Variants in ADD2 observed in about 807,000 individuals in gnomAD.
The protein encoded by ADD2 is adducin 2, also known as beta-adducin.
Under a neutral mutation model 83.0 loss-of-function variants are expected in ADD2, and 23 were observed. The observed-to-expected ratio is 0.28, with a 90% CI of 0.20 to 0.39. The LOEUF (loss-of-function observed/expected upper bound fraction) is 0.39, where lower values mean the gene tolerates loss of function less well. Ranked by LOEUF, ADD2 falls within the 10% of genes least tolerant of loss-of-function variation. ADD2 has a pLI of 1.00. For missense variants in ADD2, 758 were observed against 944.9 expected, an observed-to-expected ratio of 0.80 and a Z score of 2.59; for synonymous variants, 375 against 375.4, an observed-to-expected ratio of 1.00 and a Z score of 0.01.
chr2:70,767,067 T>A (rs1207624545), intron 1 of ADD2, among the ~76,000 whole-genome samples: 2 of 152,124 alleles, frequency 1.3e-5, no homozygotes, highest in African/African-American at 4.8e-5. Flanking sequence ...GAGAGCCTGA[T>A]CTGCATCCTA....
At position 70,662,360 on chromosome 2, in the gene ADD2, C is replaced by CAA. The variant is rs1675569872; in HGVS notation, c.*1063_*1064dup. ...TCATTTCTGATTCTCCTCTGCTGGA[C>CAA]AAAGAATGACTGAGTTGGAACCTCA... On this transcript the variant is annotated 3_prime_UTR_variant, in exon 16 of 16. Transcript: ENST00000264436. The CAA allele has an allele frequency of 6.6e-6, 1 of 152,160 alleles. No homozygotes were observed. 9.4% of individuals were successfully genotyped at this position (152,160 alleles called of 1,614,324 possible). A position where few individuals can be genotyped will look rare whatever the true frequency, so the allele number is the denominator to read the frequency against.
chr2:70,702,847 G>A (rs1365657131), intron 4 of ADD2, among the ~76,000 whole-genome samples: 1 of 152,092 alleles, frequency 6.6e-6, no homozygotes, highest in Non-Finnish European at 1.5e-5. Flanking sequence ...AAAGTCAGGG[G>A]CGGGCACGGT....
chr2:70,707,055 T>C (rs1294558764), intron 2 of ADD2, among the ~76,000 whole-genome samples: 1 of 152,154 alleles, frequency 6.6e-6, no homozygotes, highest in Non-Finnish European at 1.5e-5. Context: ...AAACAGGGCC[T>C]ACTAAGACTA....
chr2:70,690,813 C>T lies in ADD2; in HGVS notation c.822G>A (p.Leu274=). ...TGCAGGTGGGTCCAAGGCACTTCTG[C>T]AGGTTGATCCGATCGGCTTCCTGCT... ...EMEQEADRIN[L]QKCLGPTCKI... The change falls in exon 8 of 16, where the codon CTG becomes CTA. Residue 274 remains leucine, a synonymous_variant. Transcript: ENST00000264436. 6.2e-7 allele frequency: 1 copy of T among 1,614,028 alleles called. No homozygotes were observed. Among genetic ancestry groups the T allele is most frequent in the Non-Finnish European group, 8.5e-7 (1 of 1,179,962 alleles).
intron 1 of ADD2, among the ~76,000 whole-genome samples, chr2:70,758,173 T>C (rs188331859): frequency 4.6e-5 from 7 of 152,336 alleles, no homozygotes; most frequent in Admixed American, 4.6e-4. Context: ...ATATTGGTAA[T>C]GCATATTTTC....
chr2:70,696,486 A>G, intron 4 of ADD2, 90 bp from the exon 5 acceptor site: 1 of 1,541,026 alleles, frequency 6.5e-7, no homozygotes, highest in African/African-American at 1.4e-5. Flanking sequence ...ACTGGCACTA[A>G]AACTGCACAG....
intron 1 of ADD2, among the ~76,000 whole-genome samples, chr2:70,756,222 C>T (rs1168001997): frequency 2.6e-5 from 4 of 152,162 alleles, no homozygotes; most frequent in Non-Finnish European, 5.9e-5. Flanking sequence ...GTTGAGTTAA[C>T]TCTTTATCTC....
At chr2:70,671,230 G>A (rs1387058110) in intron 15 of ADD2, among the ~76,000 whole-genome samples, 1 of 152,202 alleles carries the variant, frequency 6.6e-6, no homozygotes, top group African/African-American at 2.4e-5. Context: ...GTGAGCGCCT[G>A]AGAGCCGTAA....
chr2:70,673,321 CTG>C (rs1488933912), intron 14 of ADD2: 1 of 1,614,078 alleles, frequency 6.2e-7, no homozygotes, highest in African/African-American at 1.3e-5. Flanking sequence ...CGTTCCTGTC[CTG>C]TCTCTGAAGA....
chr2:70,666,089 C>T (rs1675790258), intron 15 of ADD2, among the ~76,000 whole-genome samples: 1 of 152,218 alleles, frequency 6.6e-6, no homozygotes, highest in African/African-American at 2.4e-5. Flanking sequence ...GCTGGGATTA[C>T]AGGCGTGAGC....
In ADD2 at chr2:70,656,963, T is replaced by C. The variant is rs1190969809; in HGVS notation, c.*6462A>G. The C allele has an allele frequency of 6.6e-6, 1 of 151,816 alleles. No individual in the cohort carries two copies. The highest frequency in any genetic ancestry group is 1.5e-5 in the Non-Finnish European group (1 of 67,990). The allele number at this position is 151,816 out of a possible 1,614,324, so 9.4% of individuals were successfully genotyped here. On this transcript the variant is annotated 3_prime_UTR_variant, in exon 16 of 16. Coordinates refer to ENST00000264436, the MANE Select transcript of ADD2 (RefSeq NM_001617.4). ...CGTGAAAATCAAAGGGCAGCTTTGG[T>C]GCTCAGAGATTCAAACAGAAAACTA...
At chr2:70,749,303 G>A (rs1280439627) in intron 1 of ADD2, among the ~76,000 whole-genome samples, 1 of 152,152 alleles carries the variant, frequency 6.6e-6, no homozygotes, top group Non-Finnish European at 1.5e-5. Context: ...ACGGGGAATA[G>A]GGGATTATAA....
intron 1 of ADD2, among the ~76,000 whole-genome samples, chr2:70,731,964 G>A (rs1673304996): frequency 6.6e-6 from 1 of 152,138 alleles, no homozygotes; most frequent in African/African-American, 2.4e-5. Context: ...AAATTCTTTG[G>A]GGTGCCTTCC....
intron 1 of ADD2, chr2:70,767,207 G>A (rs1332927108): frequency 6.5e-6 from 1 of 152,862 alleles, no homozygotes; most frequent in Admixed American, 6.5e-5. Flanking sequence ...AAAGGGAGGG[G>A]AGGCAGGGAG....
chr2:70,671,540 G>A (rs1041110457), intron 15 of ADD2, among the ~76,000 whole-genome samples: 7 of 152,160 alleles, frequency 4.6e-5, no homozygotes, highest in Non-Finnish European at 1.0e-4. Flanking sequence ...GTTGCAGTGA[G>A]TTAGTAAACA....
chr2:70,693,067 C>T (rs1374823050), intron 6 of ADD2, among the ~76,000 whole-genome samples: 2 of 152,274 alleles, frequency 1.3e-5, no homozygotes, highest in African/African-American at 2.4e-5. Flanking sequence ...AAAGAGGCTG[C>T]GGCTGCTTTA....
intron 11 of ADD2, among the ~76,000 whole-genome samples, 169 bp downstream of exon 11, chr2:70,678,535 G>T (rs1367692770): frequency 6.6e-6 from 1 of 152,216 alleles, no homozygotes; most frequent in Non-Finnish European, 1.5e-5. Flanking sequence ...AAGTGGTCAG[G>T]GGCTCAGTGG....
At chr2:70,767,225 G>A (rs1553386229) in intron 1 of ADD2, 1 of 152,770 alleles carries the variant, frequency 6.5e-6, no homozygotes, top group Non-Finnish European at 1.5e-5. Context: ...GAGAGGAGAG[G>A]GAAGATGGAA....
At position 70,768,052 on chromosome 2, in the gene ADD2, C is replaced by T; in HGVS notation, c.-320G>A. On this transcript the variant is annotated 5_prime_UTR_variant, in exon 1 of 16. Transcript: ENST00000264436. ...CGCTCGTCAGAGCTGCTGGGAGATC[C>T]CCCAGCAGTGCAGCGGCTCCGCGGC... is the stretch of plus-strand genomic sequence containing the variant. 5.9e-6 allele frequency: 8 copies of T among 1,357,282 alleles called. No individual in the cohort carries two copies. The highest frequency in any genetic ancestry group is 2.5e-5 in the East Asian group (1 of 39,548). 84.1% of individuals were successfully genotyped at this position (1,357,282 alleles called of 1,614,324 possible).
Sources: allele counts gnomAD v4.1 joint callset (sites outside exome capture counted in the v4.1 genomes callset), GRCh38; gene constraint gnomAD v4.1.1; transcripts MANE v1.5; gene names NCBI Gene and HGNC (gene_info 2026-07-23, HGNC 2026-07-21).